Variants in TANK observed in about 807,000 individuals in gnomAD.
TANK encodes the protein TRAF family member-associated NF-kappa-B activator.
A neutral mutation model predicts 43.6 loss-of-function variants in TANK; 15 were observed. The observed-to-expected ratio is 0.34, with a 90% CI of 0.23 to 0.53. The LOEUF (loss-of-function observed/expected upper bound fraction) is 0.53, where lower values mean the gene tolerates loss of function less well. Ranked by LOEUF, TANK falls within the 20% of genes least tolerant of loss-of-function variation. The probability of loss-of-function intolerance (pLI) is 0.94; values close to 1 mark genes in which losing one functional copy is unlikely to be tolerated. For synonymous variants in TANK, 162 were observed against 178.2 expected, an observed-to-expected ratio of 0.91 and a Z score of 0.73; for missense variants, 417 against 498.6, an observed-to-expected ratio of 0.84 and a Z score of 1.56.
chr2:161,165,209 G>A (rs558741275), intron 1 of TANK, among the ~76,000 whole-genome samples: 1 of 152,246 alleles, frequency 6.6e-6, no homozygotes, highest in South Asian at 2.1e-4. Context: ...TTGAACTTAT[G>A]AGAGTCTTTG....
intron 4 of TANK, among the ~76,000 whole-genome samples, chr2:161,213,936 C>CTAA (rs1352334113): frequency 6.6e-6 from 1 of 152,070 alleles, no homozygotes; most frequent in Non-Finnish European, 1.5e-5. Context: ...ATGTCTTTTA[C>CTAA]TAATGTATGA....
intron 7 of TANK, chr2:161,232,668 A>G: frequency 6.9e-7 from 1 of 1,454,338 alleles, no homozygotes; most frequent in Non-Finnish European, 9.2e-7. Flanking sequence ...GGAGCTGTGA[A>G]GTGCATCAGT....
intron 2 of TANK, chr2:161,200,727 T>C (rs1419810997): frequency 5.3e-6 from 1 of 189,486 alleles, no homozygotes; most frequent in African/African-American, 2.4e-5. Flanking sequence ...TAGAGAAATA[T>C]AAGCAAAAGC....
At chr2:161,231,918 A>G (rs901356714) in intron 7 of TANK, among the ~76,000 whole-genome samples, 1 of 152,222 alleles carries the variant, frequency 6.6e-6, no homozygotes, top group Non-Finnish European at 1.5e-5. Flanking sequence ...TAGTTTGTGT[A>G]TATCATATTC....
In TANK at chr2:161,200,459, C is replaced by T. The variant is rs1302959892; in HGVS notation, c.100-3028C>T. 34 of 961,374 alleles carry T rather than the reference C, an allele frequency of 3.5e-5. No homozygotes were observed. In the Admixed American group the frequency reaches 2.0e-3, roughly 56 times the overall value. 59.6% of individuals were successfully genotyped at this position (961,374 alleles called of 1,614,324 possible). ...ATTTACTTTCCAAATAGCAAATAAA[C>T]CAAGTTCTACTGGTTATTTCCCAGT... On this transcript the variant is annotated intron_variant, in intron 2 of 7. Coordinates refer to ENST00000392749, the MANE Select transcript of TANK (RefSeq NM_001199135.3).
intron 2 of TANK, among the ~76,000 whole-genome samples, chr2:161,198,245 T>C (rs1373185704): frequency 6.6e-6 from 1 of 152,210 alleles, no homozygotes; most frequent in Non-Finnish European, 1.5e-5. Context: ...ACACCTCAGA[T>C]AAACAACAAA....
intron 1 of TANK, among the ~76,000 whole-genome samples, chr2:161,172,087 G>C (rs1684965224): frequency 6.6e-6 from 1 of 152,088 alleles, no homozygotes; most frequent in African/African-American, 2.4e-5. Flanking sequence ...GCATAGAAAG[G>C]TTAACAAAGC....
intron 1 of TANK, among the ~76,000 whole-genome samples, chr2:161,142,665 T>C (rs1683785064): frequency 6.6e-6 from 1 of 152,206 alleles, no homozygotes; most frequent in East Asian, 1.9e-4. Context: ...GTCTCTGTTC[T>C]GCTCCATTGG....
intron 4 of TANK, chr2:161,207,762 T>G: frequency 1.0e-6 from 1 of 985,348 alleles, no homozygotes; most frequent in East Asian, 1.1e-4. Context: ...TCTGAATATA[T>G]GGTTATATTC....
At chr2:161,179,937 A>T in intron 2 of TANK, 176 bp downstream of exon 2, 1 of 1,280,632 alleles carries the variant, frequency 7.8e-7, no homozygotes. Context: ...TTTTTTTAAA[A>T]ATATTGCAAC....
At chr2:161,204,841 C>T (rs779835245) in intron 4 of TANK, 48 bp downstream of exon 4, 4 of 1,585,140 alleles carry the variant, frequency 2.5e-6, no homozygotes, top group Non-Finnish European at 3.4e-6. Context: ...TGATGCGTGA[C>T]ATAGCTTCCT....
At chr2:161,229,559 G>A (rs564635307) in intron 6 of TANK, among the ~76,000 whole-genome samples, 1 of 151,998 alleles carries the variant, frequency 6.6e-6, no homozygotes, top group Non-Finnish European at 1.5e-5. Context: ...GAGGCAGTAG[G>A]TATATAACAA....
Position 161,179,753 on chromosome 2 carries a change from C to T in TANK, c.91C>T (p.Gln31Ter). Residue 31 changes from glutamine (Q) to a stop codon, truncating the protein, a stop_gained, in exon 2 of 8, where the codon CAG becomes TAG. Transcript: ENST00000392749. LOFTEE classifies it high-confidence loss of function. ...MDRDSAVKELQQKTENYEQRI... is the reference protein window; with the variant it reads ...MDRDSAVKEL ...TAGAGATTCTGCAGTAAAAGAATTA[C>T]AGCAAAAGGTGTGTGGTTCTGGTTT... The T allele has an allele frequency of 6.2e-7, 1 of 1,611,844 alleles. No individual in the cohort carries two copies. Among genetic ancestry groups the T allele is most frequent in the Non-Finnish European group, 8.5e-7 (1 of 1,178,686 alleles).
chr2:161,210,201 T>C (rs1686819120), intron 4 of TANK, among the ~76,000 whole-genome samples: 1 of 152,164 alleles, frequency 6.6e-6, no homozygotes, highest in Non-Finnish European at 1.5e-5. Context: ...AGCTGGCAAT[T>C]GCAAGCAGTA....
intron 1 of TANK, among the ~76,000 whole-genome samples, chr2:161,165,060 T>G (rs1227184130): frequency 5.5e-5 from 6 of 109,320 alleles, no homozygotes; most frequent in Non-Finnish European, 9.9e-5. Context: ...TTTTTTTTTT[T>G]GCAAAAGGAA....
Position 161,203,525 on chromosome 2 carries a change from A to G in TANK, c.138A>G (p.Glu46=), listed in dbSNP as rs760740805. ...NYEQRIREQQ[E]QLSLQQTIID... ...AGCAGAGAATACGTGAACAACAGGA[A>G]CAGCTGTCACTTCAACAGACTATTA... Residue 46 remains glutamate (E), a synonymous_variant, in exon 3 of 8, where the codon GAA becomes GAG. Coordinates refer to ENST00000392749, the MANE Select transcript of TANK (RefSeq NM_001199135.3). The G allele has an allele frequency of 6.2e-7, 1 of 1,612,594 alleles. No individual in the cohort carries two copies. The highest frequency in any genetic ancestry group is 8.5e-7 in the Non-Finnish European group (1 of 1,179,476).
intron 4 of TANK, among the ~76,000 whole-genome samples, chr2:161,218,605 G>A (rs1687219052): frequency 6.6e-6 from 1 of 152,230 alleles, no homozygotes; most frequent in Admixed American, 6.5e-5. Flanking sequence ...GCAGCAGGAA[G>A]ACTGCTTGAG....
intron 2 of TANK, among the ~76,000 whole-genome samples, chr2:161,181,226 G>A (rs1480687307): frequency 6.6e-6 from 1 of 152,106 alleles, no homozygotes; most frequent in Non-Finnish European, 1.5e-5. Context: ...TTTGAGACCA[G>A]CCTGACCAAC....
chr2:161,220,016 T>C (rs1687272787), intron 4 of TANK, among the ~76,000 whole-genome samples: 1 of 152,196 alleles, frequency 6.6e-6, no homozygotes, highest in Non-Finnish European at 1.5e-5. Flanking sequence ...AAGTAAGGAT[T>C]CTCGTTTCTG....
Sources: gnomAD v4.1 joint callset for allele counts (sites outside exome capture counted in the v4.1 genomes callset) on GRCh38, gnomAD v4.1.1 for gene constraint, MANE v1.5 for transcripts, NCBI Gene and HGNC (gene_info 2026-07-23, HGNC 2026-07-21) for gene names.